COL15A1: variants seen among roughly 807,000 people sequenced by gnomAD.
The protein encoded by COL15A1 is collagen alpha-1(XV) chain.
COL15A1 carries 111 observed loss-of-function variants against 165.9 expected under a neutral mutation model. The ratio of observed to expected loss-of-function variants is 0.67; its 90% CI spans 0.57 to 0.78. COL15A1 has a LOEUF of 0.78. Ranked by LOEUF, COL15A1 falls within the 30% of genes least tolerant of loss-of-function variation. COL15A1 has a pLI of 0.00. For synonymous variants in COL15A1, 659 were observed against 674.8 expected (o/e 0.98, Z 0.36); for missense variants, 1,745 against 1,789.7 (o/e 0.98, Z 0.45).
At chr9:99,035,634 G>T (rs923192523) in intron 19 of COL15A1, among the ~76,000 whole-genome samples, 2 of 152,178 alleles carry the variant, frequency 1.3e-5, no homozygotes, top group African/African-American at 4.8e-5. Context: ...TGTGGGAAGA[G>T]AACTTGAAAA....
chr9:98,952,803 G>A (rs1200859582), intron 2 of COL15A1, among the ~76,000 whole-genome samples: 1 of 152,122 alleles, frequency 6.6e-6, no homozygotes, highest in Non-Finnish European at 1.5e-5. Flanking sequence ...ATTGTTGTGT[G>A]ATATCTTATC....
chr9:99,052,411 T>G lies in COL15A1; in HGVS notation c.2928T>G (p.Ser976Arg). 2 of 1,612,334 alleles carry G rather than the reference T, an allele frequency of 1.2e-6. No individual in the cohort carries two copies. The highest frequency in any genetic ancestry group is 1.7e-6 in the Non-Finnish European group (2 of 1,178,440). ...KMPVDTAHPG[S>R]PELITFHGVK... is the part of the protein sequence containing the mutation. The stretch of plus-strand genomic sequence containing the variant: ...AGGTTGATACTGCTCATCCTGGGAG[T>G]CCAGAGCTCATCACTTTTCACGGTA... The change falls in exon 31 of 42, where the codon AGT becomes AGG. Residue 976 changes from serine (S) to arginine (R), a missense_variant. Transcript: ENST00000375001.
intron 31 of COL15A1, among the ~76,000 whole-genome samples, chr9:99,052,903 A>G (rs1451587039): frequency 2.0e-5 from 3 of 152,234 alleles, no homozygotes; most frequent in African/African-American, 7.2e-5. Context: ...CTCGGTGTCC[A>G]TGCAACTTTG....
At position 99,035,119 on chromosome 9, in the gene COL15A1, C is replaced by G; in HGVS notation, c.2185C>G (p.Pro729Ala). 6.2e-7 allele frequency: 1 copy of G among 1,602,930 alleles called. No homozygotes were observed. Residue 729 changes from proline to alanine, a missense_variant, in exon 18 of 42, where the codon CCA (proline) becomes GCA (alanine). Coordinates refer to ENST00000375001, the MANE Select transcript of COL15A1 (RefSeq NM_001855.5). ...PPGPPGPPGPPGPGCTMGLGF... is the reference protein window; with the variant it reads ...PPGPPGPPGPAGPGCTMGLGF... ...AGGGCCTCCTGGACCCCCTGGGCCC[C>G]CAGGCCCTGGATGCACAATGGGACT...
intron 2 of COL15A1, among the ~76,000 whole-genome samples, chr9:98,966,465 C>G (rs1478838363): frequency 6.6e-6 from 1 of 152,216 alleles, no homozygotes; most frequent in Non-Finnish European, 1.5e-5. Flanking sequence ...CCAGCTCATG[C>G]TCTGACACCC....
chr9:99,008,937 T>G (rs1226631217), intron 9 of COL15A1, among the ~76,000 whole-genome samples: 1 of 152,156 alleles, frequency 6.6e-6, no homozygotes, highest in African/African-American at 2.4e-5. Context: ...TGTAAATAGC[T>G]CAAAAGAAAA....
intron 2 of COL15A1, among the ~76,000 whole-genome samples, chr9:98,972,736 G>T (rs1021070951): frequency 1.1e-4 from 17 of 152,170 alleles, no homozygotes; most frequent in African/African-American, 4.1e-4. Context: ...CCATGCCCAG[G>T]GCCCATGTCT....
rs769422597 is a variant in COL15A1 at position 99,036,348 on chromosome 9, AC to A, written c.2366del (p.Pro789LeufsTer17). ...RGMDGASIVG[P>X]PGPRGPPGHI... ...GGATGGATGGAGCCAGTATTGTGGG[AC>A]CCCCTGGGCCGAGAGGGCCACCTGG... On this transcript the variant is annotated frameshift_variant, in exon 21 of 42. Transcript: ENST00000375001. LOFTEE classifies it high-confidence loss of function. 2 of 1,613,636 alleles carry A rather than the reference AC, an allele frequency of 1.2e-6. No homozygotes were observed. Among genetic ancestry groups the A allele is most frequent in the Non-Finnish European group, 1.7e-6 (2 of 1,179,918 alleles).
At chr9:98,959,165 A>T (rs1204674321) in intron 2 of COL15A1, among the ~76,000 whole-genome samples, 1 of 142,030 alleles carries the variant, frequency 7.0e-6, no homozygotes, top group Non-Finnish European at 1.5e-5. Flanking sequence ...CCGAGGTGGG[A>T]GGATCTCTTG....
intron 2 of COL15A1, among the ~76,000 whole-genome samples, chr9:98,957,202 G>A (rs1461020467): frequency 6.6e-6 from 1 of 152,228 alleles, no homozygotes; most frequent in Non-Finnish European, 1.5e-5. Context: ...GGAAATCAGA[G>A]TGGTGTGATG....
chr9:98,966,220 C>A (rs1837953785), intron 2 of COL15A1, among the ~76,000 whole-genome samples: 1 of 152,134 alleles, frequency 6.6e-6, no homozygotes, highest in Non-Finnish European at 1.5e-5. Context: ...ATCAATCATG[C>A]CAAAGAAATC....
rs183190744 is a variant in COL15A1, at chr9:99,063,329, G to A, written c.3651+220G>A. ...GGGAGGGCAGAGACGTCTACCTGGA[G>A]GAGGTTACCTCCAAACTAAGACCCA... On this transcript the variant is annotated intron_variant, in intron 39 of 41. Transcript: ENST00000375001. Among the ~76,000 whole-genome samples, 122 of 152,262 alleles carry A rather than the reference G, an allele frequency of 8.0e-4. No individual in the cohort carries two copies. In the South Asian group the frequency reaches 0.013, roughly 16 times the overall value.
At chr9:98,959,315 C>CAGGAGGATCGA (rs1288177924) in intron 2 of COL15A1, among the ~76,000 whole-genome samples, 17 of 151,246 alleles carry the variant, frequency 1.1e-4, no homozygotes, top group Non-Finnish European at 1.8e-4. Flanking sequence ...GAGGCTGAGG[C>CAGGAGGATCGA]AGGAGGATCG....
intron 14 of COL15A1, among the ~76,000 whole-genome samples, chr9:99,024,277 GTTTTTTTGTTT>G (rs1399986219): frequency 2.8e-5 from 3 of 108,644 alleles, no homozygotes; most frequent in South Asian, 7.0e-4. Flanking sequence ...AGTTTTTTTT[GTTTTTTTGTTT>G]TTTTTTTTTT....
chr9:99,027,752 CT>C (rs1161899843), intron 16 of COL15A1, among the ~76,000 whole-genome samples: 2 of 152,198 alleles, frequency 1.3e-5, no homozygotes, highest in East Asian at 3.8e-4. Context: ...ATTTGTTGCA[CT>C]GTGCACATAT....
intron 5 of COL15A1, among the ~76,000 whole-genome samples, chr9:98,989,463 A>T (rs997059118): frequency 6.6e-6 from 1 of 152,248 alleles, no homozygotes; most frequent in Non-Finnish European, 1.5e-5. Flanking sequence ...CAGCTTCCTC[A>T]GTGCCACCCT....
chr9:99,051,225 A>G (rs1021169453), intron 30 of COL15A1, among the ~76,000 whole-genome samples: 5 of 152,174 alleles, frequency 3.3e-5, no homozygotes, highest in African/African-American at 4.8e-5. Flanking sequence ...ACAGAACAGC[A>G]CTTGACAAAT....
chr9:99,044,497 CTG>C, intron 24 of COL15A1, 69 bp from the exon 25 acceptor site: 2 of 1,403,128 alleles, frequency 1.4e-6, no homozygotes, highest in Non-Finnish European at 2.0e-6. Flanking sequence ...GGAGGAGTCT[CTG>C]TACAAAACTC....
At chr9:99,048,889 A>C (rs575075810) in intron 28 of COL15A1, among the ~76,000 whole-genome samples, 1 of 152,154 alleles carries the variant, frequency 6.6e-6, no homozygotes, top group East Asian at 1.9e-4. Flanking sequence ...AATAATCCCC[A>C]AACCAAGATG....
Sources: gnomAD v4.1 joint callset for allele counts (sites outside exome capture counted in the v4.1 genomes callset) on GRCh38, gnomAD v4.1.1 for gene constraint, MANE v1.5 for transcripts, NCBI Gene and HGNC (gene_info 2026-07-23, HGNC 2026-07-21) for gene names.